The following INTS1 variants were observed in gnomAD, a reference collection of about 807,000 sequenced individuals.
INTS1 encodes integrator complex subunit 1.
Under a neutral mutation model 241.6 loss-of-function variants are expected in INTS1, and 137 were observed. The observed-to-expected ratio is 0.57, with a 90% CI of 0.49 to 0.65. The LOEUF (loss-of-function observed/expected upper bound fraction) is 0.65. Ranked by LOEUF, INTS1 falls within the 30% of genes least tolerant of loss-of-function variation. The pLI is 0.00. For missense variants in INTS1, 3,073 were observed against 3,032.2 expected, an observed-to-expected ratio of 1.01 and a Z score of -0.32; for synonymous variants, 1,692 against 1,337.8, an observed-to-expected ratio of 1.26 and a Z score of -5.78.
intron 3 of INTS1, chr7:1,501,403 T>C (rs1476812956): frequency 1.3e-5 from 2 of 152,060 alleles, no homozygotes; most frequent in Non-Finnish European, 2.9e-5. Context: ...TTGGAATAAA[T>C]TTCCTGATGC....
At position 1,489,631 on chromosome 7, in the gene INTS1, G is replaced by C. The variant is rs1340231034; in HGVS notation, c.2217C>G (p.Pro739=). The C allele has an allele frequency of 1.9e-6, 3 of 1,590,884 alleles. No homozygotes were observed. The African/African-American group carries it at 4.0e-5, about 21-fold the overall frequency. ...AISTLYWKAW[P]LLLVVAAFNP... is the part of the protein sequence containing the mutation. ...TGAATGCGGCGACGACCAGCAGGAG[G>C]GGCCAGGCCTTCCAGTAGAGGGTAG... is the stretch of plus-strand genomic sequence containing the variant. The change falls in exon 17 of 48, where the codon CCC becomes CCG. Residue 739 remains proline (P), a synonymous_variant. Coordinates refer to ENST00000404767, the MANE Select transcript of INTS1 (RefSeq NM_001080453.3).
At chr7:1,476,716 A>C in intron 36 of INTS1, 59 bp from the exon 37 acceptor site, 5 of 1,612,174 alleles carry the variant, frequency 3.1e-6, no homozygotes, top group Middle Eastern at 3.3e-4. Context: ...GGGAGATACC[A>C]GTCAGAGCCG....
chr7:1,495,386 G>A (rs764973123), intron 13 of INTS1, 47 bp downstream of exon 13: 12 of 1,574,262 alleles, frequency 7.6e-6, no homozygotes, highest in South Asian at 3.4e-5. Flanking sequence ...GGCTTGTCCC[G>A]GCTCAGTGGG....
chr7:1,484,118 G>A lies in INTS1; in HGVS notation c.3314C>T (p.Ser1105Leu), dbSNP rs775485741. 37 of 1,612,378 alleles carry A rather than the reference G, an allele frequency of 2.3e-5. No individual in the cohort carries two copies. Among genetic ancestry groups the A allele is most frequent in the South Asian group, 7.7e-5 (7 of 91,080 alleles). ...ERSTIMSHLFSKLSPSAASDA... is the reference protein window; with the variant it reads ...ERSTIMSHLFLKLSPSAASDA... ...CGACGCGGCACTCGGGGAGAGCTTCGAGAAGAGGTGGGACATGATGGTGGA... is the reference window on the plus strand; with the variant it reads ...CGACGCGGCACTCGGGGAGAGCTTCAAGAAGAGGTGGGACATGATGGTGGA... Residue 1105 changes from serine (S) to leucine (L), a missense_variant, in exon 25 of 48, where the codon TCG (serine) becomes TTG (leucine). Ser to Leu is a moderately radical substitution (Grantham distance 145). Coordinates refer to ENST00000404767, the MANE Select transcript of INTS1 (RefSeq NM_001080453.3).
In INTS1 at chr7:1,481,782, G is replaced by C. The variant is rs1288065073; in HGVS notation, c.3704-294C>G. Among the ~76,000 whole-genome samples the C allele has an allele frequency of 6.6e-6, 1 of 150,826 alleles. No individual in the cohort carries two copies. Among genetic ancestry groups the C allele is most frequent in the Non-Finnish European group, 1.5e-5 (1 of 67,612 alleles). On this transcript the variant is annotated intron_variant, in intron 27 of 47. Transcript: ENST00000404767. This position sits in a 1 kb window ranked among gnomAD's most constrained non-coding sequence, Gnocchi z 6.8. ...ACTCGGCAGCCCCACCTGAGACCCT[G>C]GGCCACGTGGGCTCGGTGACCCCAC...
intron 39 of INTS1, 100 bp from the exon 40 acceptor site, chr7:1,474,938 G>T: frequency 6.9e-7 from 1 of 1,449,528 alleles, no homozygotes; most frequent in Non-Finnish European, 9.2e-7. Context: ...CCACCGCGTG[G>T]CACGCCATGA....
rs371384701 is a variant in INTS1, at chr7:1,472,379, G to A, written c.6078C>T (p.Ser2026=). The stretch of plus-strand genomic sequence containing the variant: ...TGACCAGGGGCAAGGAGCCGGCTGA[G>A]CTCTCCTCTGGAAGACAGTGGCAGT... ...RGLDEEGEEE[S]SAGSLPLVSV... Residue 2026 remains serine (S), a synonymous_variant, in exon 44 of 48, where the codon AGC becomes AGT. Transcript: ENST00000404767. The A allele has an allele frequency of 6.6e-5, 103 of 1,551,114 alleles. No homozygotes were observed. Among genetic ancestry groups the A allele is most frequent in the East Asian group, 1.9e-4 (8 of 41,990 alleles).
chr7:1,478,758 C>A lies in INTS1; in HGVS notation c.4457G>T (p.Ser1486Ile). Residue 1486 changes from serine to isoleucine, a missense_variant, in exon 32 of 48, where the codon AGC becomes ATC. Coordinates refer to ENST00000404767, the MANE Select transcript of INTS1 (RefSeq NM_001080453.3). ...PLRAQLRMLA[S>I]QASAGRRLSD... ...GAGCCTGCGCCCGGCTGAGGCCTGG[C>A]TGGCAAGCATCCTGAGCTGTGCCCG... 1 of 1,595,166 alleles carries A rather than the reference C, an allele frequency of 6.3e-7. No individual in the cohort carries two copies. The highest frequency in any genetic ancestry group is 1.7e-5 in the Admixed American group (1 of 58,768).
chr7:1,478,802 G>T lies in INTS1; in HGVS notation c.4413C>A (p.Gly1471=), dbSNP rs558814282. Residue 1471 remains glycine (G), a synonymous_variant, in exon 32 of 48, where the codon GGC becomes GGA. Coordinates refer to ENST00000404767, the MANE Select transcript of INTS1 (RefSeq NM_001080453.3). Reference sequence around the variant, plus strand: ...GTGCCCGCAGGGGCCCGCCCTCCACGCCAGGGCTGTCCAGCCACTGCAGCA... The same window carrying T: ...GTGCCCGCAGGGGCCCGCCCTCCACTCCAGGGCTGTCCAGCCACTGCAGCA... ...LQMLQWLDSP[G]VEGGPLRAQL... The T allele has an allele frequency of 6.2e-7, 1 of 1,606,460 alleles. No individual in the cohort carries two copies. The highest frequency in any genetic ancestry group is 1.1e-5 in the South Asian group (1 of 89,998).
chr7:1,490,542 G>A (rs144872545), intron 16 of INTS1, among the ~76,000 whole-genome samples: 156 of 151,854 alleles, frequency 1.0e-3, no homozygotes, highest in Non-Finnish European at 2.0e-3. Context: ...AAAGGGTGTC[G>A]GCTCTGGATA....
rs757433400 is a variant in INTS1 at position 1,472,280 on chromosome 7, C to T, written c.6177G>A (p.Thr2059=). 4 of 1,553,024 alleles carry T rather than the reference C, an allele frequency of 2.6e-6. No individual in the cohort carries two copies. The highest frequency in any genetic ancestry group is 1.2e-5 in the South Asian group (1 of 84,262). The part of the protein sequence containing the change: ...PYMKRLSRGQ[T]VEDLLEVLSD... Reference sequence around the variant, plus strand: ...AAGCAGGGCCTGACTCACCCTCCACCGTTTGGCCCCGGGAAAGCCGTTTCA... The same window carrying T: ...AAGCAGGGCCTGACTCACCCTCCACTGTTTGGCCCCGGGAAAGCCGTTTCA... Residue 2059 remains threonine, a synonymous_variant, in exon 44 of 48, where the codon ACG becomes ACA. Coordinates refer to ENST00000404767, the MANE Select transcript of INTS1 (RefSeq NM_001080453.3).
chr7:1,474,175 A>G lies in INTS1; in HGVS notation c.5822T>C (p.Leu1941Pro). ...LWDCLLSFIR[L>P]LLNYRKSSRH... ...GGCGGCGGGAGCACACACCAGCAGC[A>G]GGCGGATGAAGGACAGAAGGCAGTC... The change falls in exon 41 of 48, where the codon CTG becomes CCG. Residue 1941 changes from leucine (L) to proline (P), a missense_variant. Coordinates refer to ENST00000404767, the MANE Select transcript of INTS1 (RefSeq NM_001080453.3). 6.4e-7 allele frequency: 1 copy of G among 1,568,428 alleles called. No homozygotes were observed. The highest frequency in any genetic ancestry group is 8.6e-7 in the Non-Finnish European group (1 of 1,159,294).
Position 1,499,005 on chromosome 7 carries a change from C to T in INTS1, c.1107G>A (p.Gln369=), listed in dbSNP as rs1454459412. The change falls in exon 8 of 48, where the codon CAG becomes CAA. Residue 369 remains glutamine, a synonymous_variant. Transcript: ENST00000404767. ...GYKEVRLLAV[Q]KLEMWLQNPK... is the part of the protein sequence containing the mutation. ...GGTTCTGCAGCCACATCTCCAGCTT[C>T]TGCACCGCCAGCAGCCGCACCTCCT... The T allele has an allele frequency of 2.0e-6, 3 of 1,513,242 alleles. No homozygotes were observed. The African/African-American group carries it at 4.3e-5, about 21-fold the overall frequency. 93.7% of individuals were successfully genotyped at this position (1,513,242 alleles called of 1,614,324 possible).
Position 1,479,446 on chromosome 7 carries a change from T to C in INTS1, c.4313A>G (p.Gln1438Arg). 23 of 1,578,566 alleles carry C rather than the reference T, an allele frequency of 1.5e-5. No individual in the cohort carries two copies. Among genetic ancestry groups the C allele is most frequent in the Non-Finnish European group, 1.9e-5 (22 of 1,163,230 alleles). ...CCCAAGTACCTGGTACTGGCAGAGC[T>C]GGCGCAGCAGCGGGCAGGCCAGGAA... is the stretch of plus-strand genomic sequence containing the variant. ...SHFLACPLLRQLCQYQRCVPQ... is the reference protein window; with the variant it reads ...SHFLACPLLRRLCQYQRCVPQ... The change falls in exon 31 of 48, where the codon CAG (glutamine) becomes CGG (arginine). Residue 1438 changes from glutamine to arginine, a missense_variant. Physicochemically the swap from Gln to Arg is conservative, Grantham distance 43. Transcript: ENST00000404767.
chr7:1,489,543 G>C (rs1782448384), intron 17 of INTS1, 48 bp downstream of exon 17: 1 of 1,524,696 alleles, frequency 6.6e-7, no homozygotes, highest in African/African-American at 1.4e-5. Flanking sequence ...AAAGGAATAA[G>C]GACCAGCAGG....
At chr7:1,498,362 A>C (rs368129561) in intron 10 of INTS1, 50 bp downstream of exon 10, 15 of 1,606,248 alleles carry the variant, frequency 9.3e-6, no homozygotes, top group Non-Finnish European at 1.3e-5. Context: ...CCTCCAGCCC[A>C]GAGCCCCATA....
chr7:1,487,204 C>T lies in INTS1; in HGVS notation c.2647-103G>A, dbSNP rs953558412. On this transcript the variant is annotated intron_variant, in intron 20 of 47. Transcript: ENST00000404767. ...GCCGGAAAGGGCGACACGCAGCAGC[C>T]AGCTCATGGGCCCCGCATCCAGGTG... The T allele has an allele frequency of 2.9e-5, 44 of 1,503,768 alleles. 1 individual carries two copies. The Admixed American group carries it at 8.7e-4, about 30-fold the overall frequency. 93.2% of individuals were successfully genotyped at this position (1,503,768 alleles called of 1,614,324 possible). A position where few individuals can be genotyped will look rare whatever the true frequency, so the allele number is the denominator to read the frequency against.
In INTS1 at chr7:1,474,148, C is replaced by A. The variant is rs369493261; in HGVS notation, c.5829+20G>T. On this transcript the variant is annotated intron_variant, in intron 41 of 47. Transcript: ENST00000404767. ...GAGGGAGTGGAAGGGAGCGCGAGGG[C>A]GGGCGGCGGGAGCACACACCAGCAG... The A allele has an allele frequency of 1.9e-6, 3 of 1,541,156 alleles. No individual in the cohort carries two copies. Among genetic ancestry groups the A allele is most frequent in the African/African-American group, 2.7e-5 (2 of 73,632 alleles).
At chr7:1,477,308 C>T (rs1781769773) in intron 35 of INTS1, among the ~76,000 whole-genome samples, 1 of 152,212 alleles carries the variant, frequency 6.6e-6, no homozygotes, top group South Asian at 2.1e-4. Flanking sequence ...CCACCCACCC[C>T]ATCCCCACAT....
Sources: allele counts gnomAD v4.1 joint callset (sites outside exome capture counted in the v4.1 genomes callset), GRCh38; gene constraint gnomAD v4.1.1; non-coding constraint Gnocchi (gnomAD v3.1); transcripts MANE v1.5; gene names NCBI Gene and HGNC (gene_info 2026-07-23, HGNC 2026-07-21).